Variants in JUP observed in about 807,000 individuals in gnomAD.
JUP encodes catenin (cadherin-associated protein), gamma 80kDa.
In JUP, 28 loss-of-function variants were observed where a neutral mutation model predicts 71.1. That is an observed-to-expected ratio of 0.39 (90% confidence interval 0.29 to 0.54). JUP has a LOEUF of 0.54. JUP is among the 20% of genes least tolerant of loss of function. JUP has a pLI of 0.62. For missense variants in JUP, 869 were observed against 1,030.1 expected (o/e 0.84, Z 2.14); for synonymous variants, 401 against 438.9 (o/e 0.91, Z 1.08).
intron 8 of JUP, among the ~76,000 whole-genome samples, chr17:41,759,179 T>C (rs955051689): frequency 3.6e-4 from 55 of 151,412 alleles, no homozygotes; most frequent in Non-Finnish European, 1.5e-5. Flanking sequence ...GTTCAAGCGA[T>C]TCTCCTGCCT....
At chr17:41,759,498 C>T (rs1422178560) in intron 8 of JUP, among the ~76,000 whole-genome samples, 3 of 149,480 alleles carry the variant, frequency 2.0e-5, no homozygotes, top group African/African-American at 7.4e-5. Context: ...GACACCATGA[C>T]CTTGCTTGCT....
At chr17:41,768,738 G>A (rs1916098291) in intron 4 of JUP, among the ~76,000 whole-genome samples, 1 of 152,180 alleles carries the variant, frequency 6.6e-6, no homozygotes, top group East Asian at 1.9e-4. Flanking sequence ...CCACCTTTGA[G>A]CAATCTCAAT....
chr17:41,754,874 C>A lies in JUP; in HGVS notation c.*870G>T. The A allele has an allele frequency of 6.5e-6, 1 of 155,000 alleles. No homozygotes were observed. The highest frequency in any genetic ancestry group is 1.4e-5 in the Non-Finnish European group (1 of 69,826). 9.6% of individuals were successfully genotyped at this position (155,000 alleles called of 1,614,324 possible). A position where few individuals can be genotyped will look rare whatever the true frequency, so the allele number is the denominator to read the frequency against. ...TGTGAGGAAGCTGTCCCCAGAGCTC[C>A]CTGGGGAGTGAGGGGTGGGCAAAGC... On this transcript the variant is annotated 3_prime_UTR_variant, in exon 14 of 14. Coordinates refer to ENST00000393931, the MANE Select transcript of JUP (RefSeq NM_002230.4).
rs1555599765 is a variant in JUP, at chr17:41,758,780, G to A, written c.1588C>T (p.Leu530=). 6.2e-7 allele frequency: 1 copy of A among 1,611,416 alleles called. No individual in the cohort carries two copies. The highest frequency in any genetic ancestry group is 8.5e-7 in the Non-Finnish European group (1 of 1,178,928). ...EAAVIPRLVQ[L]LVKAHQDAQR... ...GCATCCTGGTGGGCCTTCACCAGCA[G>A]TTGGACGAGGCGGGGGATGACCGCT... The change falls in exon 9 of 14, where the codon CTG becomes TTG. Residue 530 remains leucine, a synonymous_variant. Transcript: ENST00000393931.
chr17:41,755,346 A>C lies in JUP; in HGVS notation c.*398T>G, dbSNP rs1555597027. 2.5e-6 allele frequency: 1 copy of C among 404,934 alleles called. No homozygotes were observed. Among genetic ancestry groups the C allele is most frequent in the Non-Finnish European group, 4.3e-6 (1 of 230,198 alleles). The allele number at this position is 404,934 out of a possible 1,614,324, so 25.1% of individuals were successfully genotyped here. On this transcript the variant is annotated 3_prime_UTR_variant, in exon 14 of 14. Transcript: ENST00000393931. ...CTCTGGAGGCGCAGGGTGCAGCAGG[A>C]AGTTACACCCCGGCTTCCCCAGCTC...
At chr17:41,772,881 G>A in intron 1 of JUP, 1 of 985,512 alleles carries the variant, frequency 1.0e-6, no homozygotes, top group Non-Finnish European at 1.2e-6. Flanking sequence ...CGCTTGGTCT[G>A]TGTTTGGCTC....
intron 1 of JUP, among the ~76,000 whole-genome samples, chr17:41,778,473 A>G (rs545707745): frequency 2.4e-3 from 360 of 151,466 alleles, no homozygotes; most frequent in Non-Finnish European, 3.2e-3. Flanking sequence ...AGGCTGAGGT[A>G]GGAGGATCGC....
chr17:41,760,012 G>A (rs1357508984), intron 8 of JUP, among the ~76,000 whole-genome samples: 1 of 151,620 alleles, frequency 6.6e-6, no homozygotes, highest in African/African-American at 2.4e-5. Flanking sequence ...TCAGGAGTTC[G>A]AGACCAGCCT....
At chr17:41,766,272 G>T (rs1317984313) in intron 5 of JUP, among the ~76,000 whole-genome samples, 4 of 147,190 alleles carry the variant, frequency 2.7e-5, no homozygotes, top group African/African-American at 7.6e-5. Flanking sequence ...GAAAAGGAAA[G>T]AATGGGAAGG....
At chr17:41,762,318 T>C (rs1915033096) in intron 8 of JUP, among the ~76,000 whole-genome samples, 1 of 151,454 alleles carries the variant, frequency 6.6e-6, no homozygotes, top group South Asian at 2.1e-4. Context: ...CAAGTGATCC[T>C]TCCGCTTCCG....
chr17:41,773,069 G>A, intron 1 of JUP: 1 of 892,278 alleles, frequency 1.1e-6, no homozygotes, highest in Non-Finnish European at 1.3e-6. Context: ...GTTAGAAATG[G>A]CAGAGCTGGG....
chr17:41,784,360 T>C (rs2047343807), intron 1 of JUP, among the ~76,000 whole-genome samples: 1 of 152,058 alleles, frequency 6.6e-6, no homozygotes, highest in Non-Finnish European at 1.5e-5. Context: ...TGGGGCTTGA[T>C]CTAGCAAGAA....
At chr17:41,770,895 G>A (rs1010395034) in intron 2 of JUP, among the ~76,000 whole-genome samples, 16 of 152,212 alleles carry the variant, frequency 1.1e-4, no homozygotes, top group African/African-American at 3.9e-4. Flanking sequence ...TACCCAAAGG[G>A]GAATCCCTGG....
chr17:41,769,679 TG>T lies in JUP; in HGVS notation c.209-3del, dbSNP rs560947371. 12 of 1,606,976 alleles carry T rather than the reference TG, an allele frequency of 7.5e-6. No homozygotes were observed. The highest frequency in any genetic ancestry group is 1.0e-5 in the Non-Finnish European group (12 of 1,178,238). ...TGGACATCTGGTACTCCAGATCACC[TG>T]GGGGCCATGGGGACAGGGACTGAGT... On this transcript the variant is annotated splice_region_variant and splice_polypyrimidine_tract_variant and intron_variant, in intron 2 of 13. Coordinates refer to ENST00000393931, the MANE Select transcript of JUP (RefSeq NM_002230.4).
intron 1 of JUP, among the ~76,000 whole-genome samples, chr17:41,780,302 C>T (rs1166988390): frequency 2.0e-5 from 3 of 150,602 alleles, no homozygotes; most frequent in South Asian, 2.1e-4. Flanking sequence ...GGAGGCTGGG[C>T]GGGAGGATTG....
intron 5 of JUP, among the ~76,000 whole-genome samples, chr17:41,767,163 C>T (rs547131948): frequency 1.2e-3 from 182 of 151,570 alleles, no homozygotes; most frequent in African/African-American, 4.3e-3. Context: ...GGAAGCACAT[C>T]GAAATGACAA....
intron 12 of JUP, among the ~76,000 whole-genome samples, chr17:41,756,591 C>T (rs1913797979): frequency 6.7e-6 from 1 of 148,978 alleles, no homozygotes; most frequent in Non-Finnish European, 1.5e-5. Flanking sequence ...AGGAGTGAGA[C>T]TCTGTCTCGA....
intron 8 of JUP, 70 bp downstream of exon 8, chr17:41,762,913 G>T: frequency 7.4e-7 from 1 of 1,344,466 alleles, no homozygotes; most frequent in Non-Finnish European, 1.1e-6. Flanking sequence ...TGCTACAGCG[G>T]CTTTGCCTAT....
At chr17:41,771,413 A>G in intron 2 of JUP, 2 of 593,056 alleles carry the variant, frequency 3.4e-6, no homozygotes, top group Non-Finnish European at 6.0e-6. Context: ...GGCAGGGACT[A>G]TGCCTTCCCT....
Sources: gnomAD v4.1 joint callset for allele counts (sites outside exome capture counted in the v4.1 genomes callset) on GRCh38, gnomAD v4.1.1 for gene constraint, MANE v1.5 for transcripts, NCBI Gene and HGNC (gene_info 2026-07-23, HGNC 2026-07-21) for gene names.